ITPR1: variants seen among roughly 807,000 people sequenced by gnomAD.
The protein encoded by ITPR1 is inositol 1,4,5-trisphosphate receptor type 1.
A neutral mutation model predicts 318.4 loss-of-function variants in ITPR1; 96 were observed. The observed-to-expected ratio is 0.30, with a 90% CI of 0.26 to 0.36. ITPR1 has a LOEUF of 0.36. ITPR1 is among the 10% of genes least tolerant of loss of function. The pLI is 1.00. For missense variants in ITPR1, 2,440 were observed against 3,460.2 expected (o/e 0.71, Z 7.40); for synonymous variants, 1,312 against 1,289.9 (o/e 1.02, Z -0.37).
chr3:4,749,176 A>G (rs1276528981), intron 44 of ITPR1: 1 of 152,202 alleles, frequency 6.6e-6, no homozygotes, highest in Non-Finnish European at 1.5e-5. Context: ...CTCAAAGTAA[A>G]AACAAAAGAA....
rs190121556 is a variant in ITPR1 at position 4,766,716 on chromosome 3, T to C, written c.5725+6T>C. On this transcript the variant is annotated splice_donor_region_variant and intron_variant, in intron 45 of 61. Transcript: ENST00000649015. Reference sequence around the variant, plus strand: ...TGCCCCATCACGGAAAAAAGGTAAATGTTCCTCAGTCTTCAGTCAGCTGGA... The same window carrying C: ...TGCCCCATCACGGAAAAAAGGTAAACGTTCCTCAGTCTTCAGTCAGCTGGA... The C allele has an allele frequency of 2.5e-6, 4 of 1,589,860 alleles. No individual in the cohort carries two copies. The highest frequency in any genetic ancestry group is 3.4e-6 in the Non-Finnish European group (4 of 1,167,534).
At chr3:4,576,819 G>A (rs1054442066) in intron 4 of ITPR1, among the ~76,000 whole-genome samples, 4 of 152,212 alleles carry the variant, frequency 2.6e-5, no homozygotes, top group African/African-American at 7.2e-5. Context: ...ATTCAACCCT[G>A]TCATTTAAGA....
At chr3:4,532,054 C>G (rs560959547) in intron 4 of ITPR1, among the ~76,000 whole-genome samples, 1 of 152,348 alleles carries the variant, frequency 6.6e-6, no homozygotes, top group South Asian at 2.1e-4. Context: ...ACGGGACTAC[C>G]TGGTCCATAT....
chr3:4,819,870 G>A (rs1191617268), intron 60 of ITPR1, among the ~76,000 whole-genome samples: 2 of 152,208 alleles, frequency 1.3e-5, no homozygotes, highest in Non-Finnish European at 2.9e-5. Context: ...TGCTGATGAT[G>A]GCTTATCCCT....
In ITPR1 at chr3:4,811,279, G is replaced by A; in HGVS notation, c.7287G>A (p.Val2429=). ...TGTTTTCAAAGCTTTTTGATTTAGT[G>A]TACAGAGAAGAGACTTTGCTTAATG... The part of the protein sequence containing the change: ...FFYSLLLFDL[V]YREETLLNVI... Residue 2429 remains valine (V), a synonymous_variant, in exon 56 of 62, where the codon GTG becomes GTA. Transcript: ENST00000649015. 3 of 1,587,894 alleles carry A rather than the reference G, an allele frequency of 1.9e-6. No homozygotes were observed. The highest frequency in any genetic ancestry group is 2.2e-5 in the East Asian group (1 of 44,566).
At chr3:4,815,254 A>AG (rs1559945487) in intron 59 of ITPR1, 36 bp downstream of exon 59, 8 of 1,608,800 alleles carry the variant, frequency 5.0e-6, no homozygotes, top group Non-Finnish European at 6.8e-6. Flanking sequence ...AAGGGCGTGA[A>AG]GGCCCAGCGT....
At chr3:4,778,307 T>C (rs971772442) in intron 48 of ITPR1, among the ~76,000 whole-genome samples, 4 of 152,224 alleles carry the variant, frequency 2.6e-5, no homozygotes, top group Non-Finnish European at 5.9e-5. Context: ...ACTGTTCCCA[T>C]GTCAGGGCAT....
chr3:4,572,911 T>C (rs1475238786), intron 4 of ITPR1, among the ~76,000 whole-genome samples: 1 of 152,242 alleles, frequency 6.6e-6, no homozygotes, highest in African/African-American at 2.4e-5. Flanking sequence ...TTGTAGCATG[T>C]AACATGATTT....
At chr3:4,824,007 C>T (rs572497502) in intron 60 of ITPR1, among the ~76,000 whole-genome samples, 38 of 152,248 alleles carry the variant, frequency 2.5e-4, no homozygotes, top group East Asian at 7.7e-4. Flanking sequence ...CATATAAAGA[C>T]GGCCTGATCA....
Position 4,697,314 on chromosome 3 carries a change from A to AGG in ITPR1, c.4407+43_4407+44dup, listed in dbSNP as rs763486049. On this transcript the variant is annotated intron_variant, in intron 34 of 61. Coordinates refer to ENST00000649015, the MANE Select transcript of ITPR1 (RefSeq NM_001378452.1). ...TGAGGAGGCAGAGTTGGAGAGTGAG[A>AGG]GGTGTGTGTGTGTGTGTGTGTGTGT... is the stretch of plus-strand genomic sequence containing the variant. The AGG allele has an allele frequency of 2.1e-3, 2,338 of 1,105,630 alleles. 1 individual carries two copies. Among genetic ancestry groups the AGG allele is most frequent in the Non-Finnish European group, 2.6e-3 (2,097 of 817,424 alleles). The allele number at this position is 1,105,630 out of a possible 1,614,324, so 68.5% of individuals were successfully genotyped here.
At chr3:4,558,012 C>A (rs747451919) in intron 4 of ITPR1, among the ~76,000 whole-genome samples, 2 of 152,196 alleles carry the variant, frequency 1.3e-5, no homozygotes, top group African/African-American at 4.8e-5. Context: ...ACAAGAACAT[C>A]ATTTGTCCCC....
intron 44 of ITPR1, 85 bp downstream of exon 44, chr3:4,735,439 C>A: frequency 8.5e-7 from 1 of 1,179,008 alleles, no homozygotes; most frequent in East Asian, 2.3e-5. Context: ...CTGGGTGGTA[C>A]CAAGCCTTGT....
Position 4,693,510 on chromosome 3 carries a change from T to C in ITPR1, c.4050T>C (p.Asp1350=), listed in dbSNP as rs1394334467. 6 of 1,613,852 alleles carry C rather than the reference T, an allele frequency of 3.7e-6. No homozygotes were observed. Among genetic ancestry groups the C allele is most frequent in the South Asian group, 2.2e-5 (2 of 91,086 alleles). Residue 1350 remains aspartate, a synonymous_variant, in exon 33 of 62, where the codon GAT becomes GAC. Coordinates refer to ENST00000649015, the MANE Select transcript of ITPR1 (RefSeq NM_001378452.1). Reference sequence around the variant, plus strand: ...TGTAGCTGGTCAATTCGGGAGAGGATGTCCTCGTGTTCTACAACGACAGAG... The same window carrying C: ...TGTAGCTGGTCAATTCGGGAGAGGACGTCCTCGTGTTCTACAACGACAGAG... The part of the protein sequence containing the change: ...VMAELVNSGE[D]VLVFYNDRAS...
intron 43 of ITPR1, 68 bp downstream of exon 43, chr3:4,733,288 T>A: frequency 6.4e-7 from 1 of 1,555,766 alleles, no homozygotes; most frequent in Non-Finnish European, 8.8e-7. Context: ...GCATGTTTCC[T>A]CCTAACAGGT....
intron 51 of ITPR1, among the ~76,000 whole-genome samples, chr3:4,787,153 A>G (rs769435169): frequency 4.6e-5 from 7 of 152,090 alleles, no homozygotes; most frequent in Non-Finnish European, 8.8e-5. Flanking sequence ...CCATTCCATC[A>G]TTACAGAAAG....
chr3:4,582,886 T>C (rs1465035657), intron 4 of ITPR1, among the ~76,000 whole-genome samples: 1 of 152,216 alleles, frequency 6.6e-6, no homozygotes, highest in Non-Finnish European at 1.5e-5. Context: ...TGCTTTAGTA[T>C]GTCTGTGCTC....
chr3:4,843,867 T>G (rs1002422272), intron 61 of ITPR1, among the ~76,000 whole-genome samples: 1 of 152,194 alleles, frequency 6.6e-6, no homozygotes, highest in African/African-American at 2.4e-5. Context: ...TTGTAAAGTT[T>G]CAGAGGTTTC....
At chr3:4,814,727 C>A (rs76736027) in intron 58 of ITPR1, 165 bp downstream of exon 58, 1 of 688,676 alleles carries the variant, frequency 1.5e-6, no homozygotes, top group Admixed American at 2.9e-5. Flanking sequence ...CTCTCTATCA[C>A]GTGAGGTGGT....
At chr3:4,697,312 A>ATG in intron 34 of ITPR1, 40 bp downstream of exon 34, 1 of 1,259,958 alleles carries the variant, frequency 7.9e-7, no homozygotes, top group East Asian at 3.1e-5. Flanking sequence ...TTGGAGAGTG[A>ATG]GAGGTGTGTG....
Sources: allele counts gnomAD v4.1 joint callset (sites outside exome capture counted in the v4.1 genomes callset), GRCh38; gene constraint gnomAD v4.1.1; transcripts MANE v1.5; gene names NCBI Gene and HGNC (gene_info 2026-07-23, HGNC 2026-07-21).